Variants in GPHN observed in about 807,000 individuals in gnomAD.
GPHN encodes gephyrin.
GPHN carries 17 observed loss-of-function variants against 95.5 expected under a neutral mutation model. That is an observed-to-expected ratio of 0.18 (90% confidence interval 0.12 to 0.27). GPHN has a LOEUF of 0.27. GPHN is among the 10% of genes least tolerant of loss of function. GPHN has a pLI of 1.00. For missense variants in GPHN, 660 were observed against 978.1 expected, an observed-to-expected ratio of 0.67 and a Z score of 4.34; for synonymous variants, 320 against 322.5, an observed-to-expected ratio of 0.99 and a Z score of 0.08.
intron 11 of GPHN, among the ~76,000 whole-genome samples, chr14:67,086,529 T>C (rs1409353538): frequency 6.6e-6 from 1 of 150,698 alleles, no homozygotes; most frequent in East Asian, 2.0e-4. Context: ...CGGGCGCCTG[T>C]AGTCCCAGCT....
the GPHN span, among the ~76,000 whole-genome samples, chr14:67,512,113 G>A: frequency 3.4e-3 from 519 of 152,140 alleles, 2 homozygotes; most frequent in Non-Finnish European, 4.2e-3. Flanking sequence ...GGATCTACTC[G>A]GGTACTTGAT....
chr14:66,747,924 A>G, intron 2 of GPHN, among the ~76,000 whole-genome samples: 1 of 151,582 alleles, frequency 6.6e-6, no homozygotes, highest in Non-Finnish European at 1.5e-5. Flanking sequence ...TTAACATTAA[A>G]TAAAAAGAGA....
intron 2 of GPHN, among the ~76,000 whole-genome samples, chr14:66,726,861 A>G (rs1265675137): frequency 6.6e-6 from 1 of 152,242 alleles, no homozygotes; most frequent in African/African-American, 2.4e-5. Context: ...TATTTCAAGC[A>G]CAAAATTATT....
chr14:66,815,102 C>T (rs2060912339), intron 3 of GPHN, among the ~76,000 whole-genome samples: 1 of 150,960 alleles, frequency 6.6e-6, no homozygotes, highest in Admixed American at 6.6e-5. Context: ...GACAGGCAGA[C>T]AAGAATAGAA....
At chr14:67,201,551 G>T in the GPHN span, 1 of 455,780 alleles carries the variant, frequency 2.2e-6, no homozygotes, top group Non-Finnish European at 4.4e-6. Context: ...TTCCAGGGTT[G>T]GAGGATACCT....
chr14:67,637,275 TG>T, the GPHN span, among the ~76,000 whole-genome samples: 1 of 151,958 alleles, frequency 6.6e-6, no homozygotes, highest in African/African-American at 2.4e-5. Context: ...CTGGGCATGG[TG>T]GTGCATGCCT....
At chr14:67,121,234 CTG>C (rs1463814192) in intron 16 of GPHN, among the ~76,000 whole-genome samples, 5 of 151,972 alleles carry the variant, frequency 3.3e-5, no homozygotes, top group Admixed American at 6.6e-5. Flanking sequence ...AAGAATGTAT[CTG>C]TGTATGTGAA....
At chr14:67,301,726 A>C in the GPHN span, among the ~76,000 whole-genome samples, 2 of 152,162 alleles carry the variant, frequency 1.3e-5, no homozygotes, top group Non-Finnish European at 2.9e-5. Context: ...CTGTAAGTTT[A>C]ATTATCTAGG....
intron 11 of GPHN, among the ~76,000 whole-genome samples, chr14:67,074,623 T>G (rs575321375): frequency 1.3e-5 from 2 of 152,260 alleles, no homozygotes; most frequent in South Asian, 4.1e-4. Flanking sequence ...AAGCTGGAAA[T>G]GATTAAGCTT....
intron 3 of GPHN, among the ~76,000 whole-genome samples, chr14:66,795,563 ATG>A (rs112439594): frequency 0.012 from 1,869 of 151,992 alleles, 17 homozygotes; most frequent in Non-Finnish European, 0.018. Flanking sequence ...TATTCTTCGA[ATG>A]TGTTTTAGGG....
At chr14:66,824,601 T>C (rs1289571189) in intron 4 of GPHN, 35 bp downstream of exon 4, 1 of 939,448 alleles carries the variant, frequency 1.1e-6, no homozygotes, top group African/African-American at 1.6e-5. Context: ...ATTCAAGGAT[T>C]AAACTAATCA....
At chr14:67,496,400 T>TTTTTG in the GPHN span, among the ~76,000 whole-genome samples, 1 of 123,166 alleles carries the variant, frequency 8.1e-6, no homozygotes, top group Non-Finnish European at 1.7e-5. Context: ...CGTTTTTTTT[T>TTTTTG]TTTTTTTTTT....
Position 66,808,726 on chromosome 14 carries a change from G to A in GPHN, c.202-15748G>A, listed in dbSNP as rs183131590. On this transcript the variant is annotated intron_variant, in intron 3 of 22. Coordinates refer to ENST00000478722, the MANE Select transcript of GPHN (RefSeq NM_020806.5). ...GCAGGAAAATTGCTTGAAACTGGGA[G>A]GCAGAGGTTGCAGTGAGCCAAGATC... Among the ~76,000 whole-genome samples, 414 of 152,256 alleles carry A rather than the reference G, an allele frequency of 2.7e-3. 1 individual carries two copies. The highest frequency in any genetic ancestry group is 4.4e-3 in the Non-Finnish European group (300 of 68,010).
chr14:66,919,387 A>G (rs1476435216), intron 6 of GPHN, among the ~76,000 whole-genome samples: 1 of 152,218 alleles, frequency 6.6e-6, no homozygotes, highest in East Asian at 1.9e-4. Flanking sequence ...AGAAGATGGG[A>G]AAAGAAGTAG....
At chr14:67,505,415 C>T in the GPHN span, among the ~76,000 whole-genome samples, 5 of 152,204 alleles carry the variant, frequency 3.3e-5, no homozygotes, top group Admixed American at 3.3e-4. Context: ...CCTCTTGAGA[C>T]ATCCAAAGGG....
intron 9 of GPHN, among the ~76,000 whole-genome samples, chr14:67,007,339 C>T (rs1046527662): frequency 9.2e-5 from 14 of 152,166 alleles, no homozygotes; most frequent in Non-Finnish European, 5.9e-5. Context: ...AGTAATTGAA[C>T]CACACAACTG....
At chr14:66,896,841 G>A (rs1194577558) in intron 5 of GPHN, among the ~76,000 whole-genome samples, 4 of 151,478 alleles carry the variant, frequency 2.6e-5, no homozygotes, top group Admixed American at 2.0e-4. Flanking sequence ...ACAAGTAGAA[G>A]GCATATGTAT....
the GPHN span, among the ~76,000 whole-genome samples, chr14:67,557,882 C>G: frequency 1.9e-4 from 29 of 152,360 alleles, no homozygotes; most frequent in East Asian, 5.4e-3. Context: ...AGATGAGATA[C>G]TTGATACTTG....
At chr14:66,527,452 A>G (rs146128912) in intron 1 of GPHN, among the ~76,000 whole-genome samples, 21 of 148,320 alleles carry the variant, frequency 1.4e-4, no homozygotes, top group African/African-American at 5.2e-4. Context: ...GGAGATTTTC[A>G]TGTCTGTATC....
Sources: allele counts gnomAD v4.1 joint callset (sites outside exome capture counted in the v4.1 genomes callset), GRCh38; gene constraint gnomAD v4.1.1; transcripts MANE v1.5; gene names NCBI Gene and HGNC (gene_info 2026-07-23, HGNC 2026-07-21).